MAN1C1: variants seen among roughly 807,000 people sequenced by gnomAD.
The protein encoded by MAN1C1 is mannosyl-oligosaccharide 1,2-alpha-mannosidase IC.
Under a neutral mutation model 71.5 loss-of-function variants are expected in MAN1C1, and 49 were observed. The ratio of observed to expected loss-of-function variants is 0.69; its 90% confidence interval spans 0.54 to 0.87. The LOEUF is 0.87. Ranked by LOEUF, MAN1C1 falls within the 40% of genes least tolerant of loss-of-function variation. The probability of loss-of-function intolerance (pLI) is 0.00; values close to 1 mark genes in which losing one functional copy is unlikely to be tolerated. For missense variants in MAN1C1, 743 were observed against 835.0 expected (o/e 0.89, Z 1.36); for synonymous variants, 352 against 343.7 (o/e 1.02, Z -0.27).
intron 8 of MAN1C1, among the ~76,000 whole-genome samples, chr1:25,772,906 G>A (rs4659380): frequency 0.58 from 87,524 of 151,936 alleles, 26,237 homozygotes; most frequent in Middle Eastern, 0.79. Context: ...CTTTGCACTT[G>A]CTGTCCCCTC....
intron 1 of MAN1C1, chr1:25,646,175 C>T (rs1358657045): frequency 6.6e-6 from 1 of 152,318 alleles, no homozygotes. Flanking sequence ...GAAAGCTAAC[C>T]GGAGTTCCTG....
rs1572183246 is a variant in MAN1C1, at chr1:25,735,486, G to A, written c.638-11182G>A. 6.6e-6 allele frequency among the ~76,000 whole-genome samples: 1 copy of A among 152,210 alleles called. No homozygotes were observed. Among genetic ancestry groups the A allele is most frequent in the East Asian group, 1.9e-4 (1 of 5,190 alleles). On this transcript the variant is annotated intron_variant, in intron 2 of 11. Coordinates refer to ENST00000374332, the MANE Select transcript of MAN1C1 (RefSeq NM_020379.4). The surrounding 1 kb of genome is among the most constrained non-coding windows in gnomAD (Gnocchi z 4.6). ...TATCTATATATGTGTATGTATATAT[G>A]TGTGTATATGTGTGTATGTATGTGT...
intron 1 of MAN1C1, among the ~76,000 whole-genome samples, chr1:25,666,245 ACC>A (rs563262537): frequency 6.6e-6 from 1 of 152,130 alleles, no homozygotes; most frequent in Non-Finnish European, 1.5e-5. Flanking sequence ...ATAGCTATCC[ACC>A]CAGGAAACAT....
At chr1:25,748,044 G>C (rs2047161340) in intron 3 of MAN1C1, among the ~76,000 whole-genome samples, 2 of 152,154 alleles carry the variant, frequency 1.3e-5, no homozygotes, top group Admixed American at 1.3e-4. Flanking sequence ...GAGAAAGGTG[G>C]AGGAAGGAGA....
chr1:25,679,937 C>CAA (rs1237281245), intron 1 of MAN1C1, among the ~76,000 whole-genome samples: 4,442 of 85,182 alleles, frequency 0.052, 221 homozygotes, highest in Middle Eastern at 0.12. Flanking sequence ...ACCTCTGTCT[C>CAA]AAAAAAAAAA....
intron 8 of MAN1C1, among the ~76,000 whole-genome samples, chr1:25,773,668 C>T (rs933969134): frequency 4.6e-5 from 7 of 152,202 alleles, no homozygotes; most frequent in Non-Finnish European, 8.8e-5. Context: ...AGGCTCCCTG[C>T]CCTCAGGGCA....
chr1:25,734,011 G>T (rs940727729), intron 2 of MAN1C1, among the ~76,000 whole-genome samples: 2 of 152,090 alleles, frequency 1.3e-5, no homozygotes, highest in Non-Finnish European at 2.9e-5. Context: ...GTGTTAGCCA[G>T]GATGGTCTTG....
intron 1 of MAN1C1, among the ~76,000 whole-genome samples, chr1:25,639,586 C>G (rs2045510931): frequency 1.3e-5 from 2 of 152,128 alleles, no homozygotes; most frequent in South Asian, 4.1e-4. Context: ...ATTTTCTAAC[C>G]TGCGGTTGGC....
intron 1 of MAN1C1, among the ~76,000 whole-genome samples, chr1:25,678,427 T>C (rs1176198744): frequency 3.9e-5 from 6 of 152,244 alleles, no homozygotes; most frequent in Non-Finnish European, 8.8e-5. Flanking sequence ...GTTAGTTTTA[T>C]CTCCCCAAGT....
intron 2 of MAN1C1, among the ~76,000 whole-genome samples, chr1:25,688,779 T>G (rs2046268297): frequency 6.6e-6 from 1 of 152,202 alleles, no homozygotes; most frequent in Admixed American, 6.5e-5. Context: ...TATAAGGATA[T>G]AAATGAGTAT....
At chr1:25,691,137 T>C (rs1372216783) in intron 2 of MAN1C1, among the ~76,000 whole-genome samples, 2 of 152,026 alleles carry the variant, frequency 1.3e-5, no homozygotes, top group Admixed American at 1.3e-4. Context: ...GCCAACATGG[T>C]GAAAGCCCAT....
chr1:25,736,518 A>AT (rs1223092056), intron 2 of MAN1C1, among the ~76,000 whole-genome samples: 1 of 151,964 alleles, frequency 6.6e-6, no homozygotes, highest in Non-Finnish European at 1.5e-5. Context: ...TCATTGTCCC[A>AT]TTTTACTTTG....
chr1:25,781,690 C>T (rs1221030967), intron 10 of MAN1C1, among the ~76,000 whole-genome samples: 2 of 152,108 alleles, frequency 1.3e-5, no homozygotes, highest in Non-Finnish European at 2.9e-5. Flanking sequence ...TTCTCTGCCC[C>T]TATCTCCCCC....
chr1:25,634,679 GC>G lies in MAN1C1; in HGVS notation c.540+16343del, dbSNP rs1395471426. ...TGCTAAAATACAAAAAATCAGCCGG[GC>G]TTCTTGGCACACGCCTGTAGTCCCA... On this transcript the variant is annotated intron_variant, in intron 1 of 11. Transcript: ENST00000374332. This position sits in a 1 kb window ranked among gnomAD's most constrained non-coding sequence, Gnocchi z 4.6. Among the ~76,000 whole-genome samples, 3 of 151,994 alleles carry G rather than the reference GC, an allele frequency of 2.0e-5. No individual in the cohort carries two copies. The highest frequency in any genetic ancestry group is 4.4e-5 in the Non-Finnish European group (3 of 67,984).
chr1:25,750,736 G>A lies in MAN1C1; in HGVS notation c.834+1401G>A, dbSNP rs78785653. Among the ~76,000 whole-genome samples, 345 of 152,266 alleles carry A rather than the reference G, an allele frequency of 2.3e-3. 2 individuals carry two copies. The highest frequency in any genetic ancestry group is 7.5e-3 in the African/African-American group (312 of 41,550). On this transcript the variant is annotated intron_variant, in intron 4 of 11. Coordinates refer to ENST00000374332, the MANE Select transcript of MAN1C1 (RefSeq NM_020379.4). ...GGAAGCCCTCGGCTTTGAGCCACCC[G>A]GAGCCTGAATTTCATTTGAAAACTC...
chr1:25,622,000 G>A (rs1182536642), intron 1 of MAN1C1, among the ~76,000 whole-genome samples: 2 of 152,158 alleles, frequency 1.3e-5, no homozygotes, highest in Admixed American at 1.3e-4. Flanking sequence ...AGGGAATTAG[G>A]CTGGCTGGGG....
intron 1 of MAN1C1, 61 bp downstream of exon 1, chr1:25,618,398 C>G: frequency 1.3e-6 from 2 of 1,484,616 alleles, no homozygotes; most frequent in Non-Finnish European, 1.8e-6. Flanking sequence ...AGAAGACCCT[C>G]TGGCGCTCCC....
chr1:25,758,797 C>T (rs1367301977), intron 6 of MAN1C1, 88 bp downstream of exon 6: 1 of 1,177,806 alleles, frequency 8.5e-7, no homozygotes, highest in Non-Finnish European at 1.3e-6. Flanking sequence ...TGGGTCCTCC[C>T]TCATGGATCA....
At chr1:25,719,259 GA>G (rs2124270804) in intron 2 of MAN1C1, among the ~76,000 whole-genome samples, 1 of 149,896 alleles carries the variant, frequency 6.7e-6, no homozygotes, top group East Asian at 2.0e-4. Flanking sequence ...TTTTAGTAGA[GA>G]GGGGGCTTCG....
Sources: allele counts gnomAD v4.1 joint callset (sites outside exome capture counted in the v4.1 genomes callset), GRCh38; gene constraint gnomAD v4.1.1; non-coding constraint Gnocchi (gnomAD v3.1); transcripts MANE v1.5; gene names NCBI Gene and HGNC (gene_info 2026-07-23, HGNC 2026-07-21).